Variants in EXD3 observed in about 807,000 individuals in gnomAD.
EXD3 encodes the protein exonuclease mut-7 homolog.
Under a neutral mutation model 98.0 loss-of-function variants are expected in EXD3, and 92 were observed. The ratio of observed to expected loss-of-function variants is 0.94; its 90% CI spans 0.79 to 1.12. EXD3 has a LOEUF of 1.12. EXD3 is among the 50% of genes most tolerant of loss of function. The probability of loss-of-function intolerance (pLI) is 0.00; values close to 1 mark genes in which losing one functional copy is unlikely to be tolerated. For missense variants in EXD3, 1,222 were observed against 1,191.6 expected (o/e 1.03, Z -0.38); for synonymous variants, 569 against 526.0 (o/e 1.08, Z -1.12).
At chr9:137,329,464 AG>A (rs1216784975) in intron 17 of EXD3, among the ~76,000 whole-genome samples, 20 of 376 alleles carry the variant, frequency 0.053, 8 homozygotes, top group South Asian at 0.33. Flanking sequence ...GCTACACGGG[AG>A]CTACACGGGA....
intron 3 of EXD3, among the ~76,000 whole-genome samples, chr9:137,376,701 G>A (rs534640296): frequency 2.0e-5 from 3 of 152,228 alleles, no homozygotes; most frequent in Admixed American, 1.3e-4. Flanking sequence ...AGGCCAAGGT[G>A]GGCGGATCAA....
chr9:137,413,503 CTTTTT>C (rs768508083), intron 1 of EXD3, among the ~76,000 whole-genome samples: 2 of 128,786 alleles, frequency 1.6e-5, no homozygotes, highest in African/African-American at 2.9e-5. Flanking sequence ...CCTGGCCTAG[CTTTTT>C]TTTTTTTTTT....
intron 3 of EXD3, among the ~76,000 whole-genome samples, chr9:137,375,637 C>A (rs1458920886): frequency 2.0e-5 from 3 of 151,964 alleles, no homozygotes; most frequent in Non-Finnish European, 1.5e-5. Flanking sequence ...CTAGTGAGTT[C>A]TAGCTCTAGT....
In EXD3 at chr9:137,351,468, GC is replaced by G. The variant is rs1366166048; in HGVS notation, c.1233del (p.Pro412LeufsTer104). 8 of 1,600,844 alleles carry G rather than the reference GC, an allele frequency of 5.0e-6. No homozygotes were observed. Among genetic ancestry groups the G allele is most frequent in the Admixed American group, 3.5e-5 (2 of 57,614 alleles). On this transcript the variant is annotated frameshift_variant, in exon 13 of 22. Coordinates refer to ENST00000340951, the MANE Select transcript of EXD3 (RefSeq NM_017820.5). LOFTEE classifies it high-confidence loss of function. Reference sequence around the variant, plus strand: ...GCCACCTGCAGGAGTGACGGCCGAGGCCGGCCCCCAGCAACAAACACAGGTG... The same window carrying G: ...GCCACCTGCAGGAGTGACGGCCGAGGCGGCCCCCAGCAACAAACACAGGTG... The part of the protein sequence containing the change: ...EWTPVFVAGG[R>X]PRPSLLQVAV...
At position 137,354,714 on chromosome 9, in the gene EXD3, T is replaced by TGTGGCACAG; in HGVS notation, c.808_816dup (p.Leu270_His272dup). 1 of 1,611,004 alleles carries TGTGGCACAG rather than the reference T, an allele frequency of 6.2e-7. No individual in the cohort carries two copies. The highest frequency in any genetic ancestry group is 8.5e-7 in the Non-Finnish European group (1 of 1,179,684). The stretch of plus-strand genomic sequence containing the variant: ...TGCTCACGAACCTCCACAAACCGCT[T>TGTGGCACAG]GTGGCACAGGTGCCGCAGGGCCGCC... On this transcript the variant is annotated inframe_insertion, in exon 9 of 22. Coordinates refer to ENST00000340951, the MANE Select transcript of EXD3 (RefSeq NM_017820.5).
intron 5 of EXD3, 90 bp from the exon 6 acceptor site, chr9:137,368,079 C>T: frequency 9.3e-7 from 1 of 1,071,670 alleles, no homozygotes; most frequent in Non-Finnish European, 1.4e-6. Context: ...TTTGCACCAG[C>T]ACCTGGTCAC....
At chr9:137,309,289 GT>G (rs947994635) in intron 20 of EXD3, among the ~76,000 whole-genome samples, 2 of 152,150 alleles carry the variant, frequency 1.3e-5, no homozygotes, top group African/African-American at 4.8e-5. Flanking sequence ...GTGTGTGTCT[GT>G]GTGCACCGCA....
At chr9:137,319,957 G>A (rs1831939941) in intron 19 of EXD3, among the ~76,000 whole-genome samples, 1 of 152,194 alleles carries the variant, frequency 6.6e-6, no homozygotes, top group South Asian at 2.1e-4. Context: ...CCTGGGCTCC[G>A]ACCTGAGGCC....
intron 1 of EXD3, among the ~76,000 whole-genome samples, chr9:137,398,835 T>G (rs1377572274): frequency 6.7e-5 from 5 of 74,220 alleles, no homozygotes; most frequent in Non-Finnish European, 1.0e-4. Context: ...GTGACACACG[T>G]GCACCCGCAT....
At chr9:137,353,490 AC>A in intron 10 of EXD3, 7 of 985,182 alleles carry the variant, frequency 7.1e-6, no homozygotes, top group Non-Finnish European at 8.4e-6. Context: ...GCTATTGGGC[AC>A]CCATTCACCC....
At chr9:137,332,914 TTGAG>T (rs1833162670) in intron 17 of EXD3, among the ~76,000 whole-genome samples, 1 of 152,270 alleles carries the variant, frequency 6.6e-6, no homozygotes, top group Middle Eastern at 3.4e-3. Context: ...AGGGTTTATA[TTGAG>T]TGTCAACTGG....
intron 17 of EXD3, among the ~76,000 whole-genome samples, chr9:137,346,836 C>G (rs768323538): frequency 6.6e-6 from 1 of 152,292 alleles, no homozygotes; most frequent in South Asian, 2.1e-4. Flanking sequence ...TGTTTTGAGA[C>G]GGAGTCTTGC....
chr9:137,325,950 C>T (rs764428170), intron 17 of EXD3, among the ~76,000 whole-genome samples: 8 of 151,830 alleles, frequency 5.3e-5, no homozygotes, highest in Non-Finnish European at 1.2e-4. Flanking sequence ...ACTAGCCAGG[C>T]GTGCCTGTAG....
At chr9:137,327,265 C>A (rs540595501) in intron 17 of EXD3, among the ~76,000 whole-genome samples, 1 of 151,952 alleles carries the variant, frequency 6.6e-6, no homozygotes, top group Non-Finnish European at 1.5e-5. Context: ...TCCTGAGTAG[C>A]TGGGACTATA....
intron 4 of EXD3, 78 bp from the exon 5 acceptor site, chr9:137,373,150 C>T (rs1161067324): frequency 8.8e-6 from 13 of 1,474,062 alleles, no homozygotes; most frequent in Non-Finnish European, 1.2e-5. Flanking sequence ...GCAGGCCTGG[C>T]TTAGGAAGCA....
intron 5 of EXD3, among the ~76,000 whole-genome samples, chr9:137,372,011 T>C (rs1332450124): frequency 6.6e-6 from 1 of 152,138 alleles, no homozygotes; most frequent in African/African-American, 2.4e-5. Context: ...GCTGTGATGC[T>C]AGACCTGGTC....
At chr9:137,382,447 C>T (rs954370845) in intron 3 of EXD3, among the ~76,000 whole-genome samples, 23 of 152,142 alleles carry the variant, frequency 1.5e-4, no homozygotes, top group African/African-American at 3.9e-4. Flanking sequence ...TGCCAAAGAG[C>T]GAGGAAGACT....
In EXD3 at chr9:137,373,081, G is replaced by A. The variant is rs1225783864; in HGVS notation, c.295-9C>T. 6.4e-7 allele frequency: 1 copy of A among 1,557,886 alleles called. No homozygotes were observed. Among genetic ancestry groups the A allele is most frequent in the African/African-American group, 1.4e-5 (1 of 73,844 alleles). ...TTCAGCCTCAGGCTGTGCTGGAAGAGCAGGGACCCAGACTTACTGGACGCA... is the reference window on the plus strand; with the variant it reads ...TTCAGCCTCAGGCTGTGCTGGAAGAACAGGGACCCAGACTTACTGGACGCA... On this transcript the variant is annotated splice_polypyrimidine_tract_variant and intron_variant, in intron 4 of 21. Transcript: ENST00000340951.
rs184435853 is a variant in EXD3 at position 137,390,605 on chromosome 9, G to A, written c.55+4698C>T. On this transcript the variant is annotated intron_variant, in intron 2 of 21. Coordinates refer to ENST00000340951, the MANE Select transcript of EXD3 (RefSeq NM_017820.5). ...CAGATGAGAAAACAGGTTAGGCAGC[G>A]TGGCCCGGTCACACAGTGAGGAAGA... Among the ~76,000 whole-genome samples, 381 of 152,316 alleles carry A rather than the reference G, an allele frequency of 2.5e-3. 1 individual carries two copies. Among genetic ancestry groups the A allele is most frequent in the Middle Eastern group, 0.01 (3 of 294 alleles).
Sources: gnomAD v4.1 joint callset for allele counts (sites outside exome capture counted in the v4.1 genomes callset) on GRCh38, gnomAD v4.1.1 for gene constraint, MANE v1.5 for transcripts, NCBI Gene and HGNC (gene_info 2026-07-23, HGNC 2026-07-21) for gene names.